WNT9B: variants seen among roughly 807,000 people sequenced by gnomAD.
WNT9B encodes Wnt family member 9B, also known as protein Wnt-9b.
A neutral mutation model predicts 30.2 loss-of-function variants in WNT9B; 12 were observed. The observed-to-expected ratio is 0.40, with a 90% CI of 0.26 to 0.64. WNT9B has a LOEUF of 0.64. WNT9B is among the 30% of genes least tolerant of loss of function. WNT9B has a pLI of 0.42. For synonymous variants in WNT9B, 218 were observed against 216.9 expected, an observed-to-expected ratio of 1.01 and a Z score of -0.05; for missense variants, 442 against 485.2, an observed-to-expected ratio of 0.91 and a Z score of 0.84.
chr17:46,837,144 T>C (rs1031914758), intron 1 of WNT9B, among the ~76,000 whole-genome samples: 5 of 152,298 alleles, frequency 3.3e-5, no homozygotes, highest in Non-Finnish European at 7.4e-5. Context: ...GGTTTCACCA[T>C]GTTGGCCAGG....
In WNT9B at chr17:46,851,837, C is replaced by T. The variant is rs896948000; in HGVS notation, c.77+122C>T. 6 of 461,234 alleles carry T rather than the reference C, an allele frequency of 1.3e-5. No individual in the cohort carries two copies. Among genetic ancestry groups the T allele is most frequent in the African/African-American group, 2.0e-5 (1 of 48,860 alleles). 28.6% of individuals were successfully genotyped at this position (461,234 alleles called of 1,614,324 possible). A position where few individuals can be genotyped will look rare whatever the true frequency, so the allele number is the denominator to read the frequency against. ...CCCCGCCGAGGTCTCGAACTCAGAC[C>T]CTAGCCCGGCGCGACCCAACCCACT... is the stretch of plus-strand genomic sequence containing the variant. On this transcript the variant is annotated intron_variant, in intron 1 of 3. Transcript: ENST00000290015. This position sits in a 1 kb window ranked among gnomAD's most constrained non-coding sequence, Gnocchi z 4.3.
intron 1 of WNT9B, among the ~76,000 whole-genome samples, chr17:46,858,787 C>G (rs747649814): frequency 6.6e-6 from 1 of 152,130 alleles, no homozygotes; most frequent in Non-Finnish European, 1.5e-5. Flanking sequence ...CTGCCTTAGC[C>G]TCCTGAGTAG....
In WNT9B at chr17:46,860,880, A is replaced by T. The variant is rs2085025742; in HGVS notation, c.77+9165A>T. Among the ~76,000 whole-genome samples the T allele has an allele frequency of 2.0e-5, 3 of 152,078 alleles. No individual in the cohort carries two copies. In the South Asian group the frequency reaches 6.2e-4, roughly 31 times the overall value. On this transcript the variant is annotated intron_variant, in intron 1 of 3. Transcript: ENST00000290015. ...TCACTTTTTTTTTATTTTTAGAGAG[A>T]TAGGTTCCTGCTCTGTCACCCAGAC...
intron 1 of WNT9B, among the ~76,000 whole-genome samples, chr17:46,834,593 G>A (rs1174591183): frequency 6.6e-6 from 1 of 152,116 alleles, no homozygotes; most frequent in Non-Finnish European, 1.5e-5. Flanking sequence ...TACCTCCTGG[G>A]CTGTAGGTAG....
At chr17:46,846,068 G>T (rs1568116508) in intron 1 of WNT9B, among the ~76,000 whole-genome samples, 1 of 152,110 alleles carries the variant, frequency 6.6e-6, no homozygotes, top group Non-Finnish European at 1.5e-5. Context: ...TGGGATTATA[G>T]GTGTGAACCA....
intron 1 of WNT9B, among the ~76,000 whole-genome samples, chr17:46,856,543 G>A (rs1363669312): frequency 2.0e-5 from 3 of 150,620 alleles, no homozygotes; most frequent in Non-Finnish European, 4.4e-5. Flanking sequence ...GGAATGCAGT[G>A]GTGCAATCTC....
At chr17:46,848,333 C>T (rs1339943840), upstream of WNT9B, among the ~76,000 whole-genome samples, 1 of 152,200 alleles carries the variant, frequency 6.6e-6, no homozygotes, top group Admixed American at 6.5e-5. Context: ...AAAAAGGCCA[C>T]AAACCAGGGT....
chr17:46,844,677 A>G (rs1360167018), intron 1 of WNT9B, among the ~76,000 whole-genome samples: 4 of 152,316 alleles, frequency 2.6e-5, no homozygotes, highest in Non-Finnish European at 4.4e-5. Flanking sequence ...ACTTACTCAG[A>G]TGAAAACAAA....
chr17:46,863,122 G>GT (rs2085070650), intron 1 of WNT9B, among the ~76,000 whole-genome samples: 3 of 106 alleles, frequency 0.028, no homozygotes, highest in African/African-American at 0.1. Context: ...GGGAGGGCGT[G>GT]GCACAGGCAG....
intron 1 of WNT9B, among the ~76,000 whole-genome samples, chr17:46,846,486 A>G (rs1181905268): frequency 6.6e-6 from 1 of 152,240 alleles, no homozygotes; most frequent in Non-Finnish European, 1.5e-5. Flanking sequence ...GACAGTGTAT[A>G]TCAACATAGG....
intron 1 of WNT9B, among the ~76,000 whole-genome samples, chr17:46,839,965 T>TC (rs1329369135): frequency 7.0e-4 from 96 of 137,316 alleles, no homozygotes; most frequent in African/African-American, 2.3e-3. Flanking sequence ...TCTTTCTTTC[T>TC]TTCTTTCTTT....
At chr17:46,840,261 T>C (rs1279834811) in intron 1 of WNT9B, among the ~76,000 whole-genome samples, 1 of 152,022 alleles carries the variant, frequency 6.6e-6, no homozygotes, top group Non-Finnish European at 1.5e-5. Context: ...TAATTTTTTA[T>C]ATTTTTAGTA....
At chr17:46,867,922 C>T (rs560153313) in intron 1 of WNT9B, among the ~76,000 whole-genome samples, 2 of 152,138 alleles carry the variant, frequency 1.3e-5, no homozygotes, top group Admixed American at 6.5e-5. Context: ...TTATGATGAA[C>T]CTGACCACCA....
intron 1 of WNT9B, among the ~76,000 whole-genome samples, chr17:46,857,085 T>C (rs898930848): frequency 2.0e-4 from 30 of 152,226 alleles, no homozygotes; most frequent in Admixed American, 1.4e-3. Context: ...TGTCGTTGAA[T>C]ATAGCAATAG....
intron 2 of WNT9B, among the ~76,000 whole-genome samples, chr17:46,874,390 C>T (rs965822498): frequency 3.9e-5 from 6 of 152,126 alleles, no homozygotes; most frequent in East Asian, 1.9e-4. Context: ...GGTCATACAC[C>T]GACCTGGAGT....
rs2085351512 is a variant in WNT9B, at chr17:46,876,654, G to A, written c.1010G>A (p.Trp337Ter). The A allele has an allele frequency of 6.2e-7, 1 of 1,604,100 alleles. No individual in the cohort carries two copies. The highest frequency in any genetic ancestry group is 8.5e-7 in the Non-Finnish European group (1 of 1,172,934). ...TTCTCCTGCCACTGCCAGGTGCAGT[G>A]GTGCTGCTACGTGGAGTGCCAGCAA... ...VAFSCHCQVQWCCYVECQQCV... is the reference protein window; with the variant it reads ...VAFSCHCQVQ Residue 337 changes from tryptophan to a stop codon, truncating the protein, a stop_gained, in exon 4 of 4, where the codon TGG (tryptophan) becomes TAG (stop). Transcript: ENST00000290015. LOFTEE classifies it high-confidence loss of function.
chr17:46,884,943 C>A, downstream of WNT9B: 1 of 368,214 alleles, frequency 2.7e-6, no homozygotes. Context: ...CCAACTTCCC[C>A]ACTCCTGCAA....
rs2085353571 is a variant in WNT9B, at chr17:46,876,779, GC to G, written c.*64del. On this transcript the variant is annotated 3_prime_UTR_variant, in exon 4 of 4. Coordinates refer to ENST00000290015, the MANE Select transcript of WNT9B (RefSeq NM_003396.3). Reference sequence around the variant, plus strand: ...GACCTCCTGTGGCACCCTTCAAGCTGCCCAGCCGGCCCTCTGGGCAGACTGT... The same window carrying G: ...GACCTCCTGTGGCACCCTTCAAGCTGCCAGCCGGCCCTCTGGGCAGACTGT... 1 of 1,475,032 alleles carries G rather than the reference GC, an allele frequency of 6.8e-7. No homozygotes were observed. Among genetic ancestry groups the G allele is most frequent in the Non-Finnish European group, 9.0e-7 (1 of 1,110,048 alleles). 91.4% of individuals were successfully genotyped at this position (1,475,032 alleles called of 1,614,324 possible).
rs1359003442 is a variant in WNT9B at position 46,851,699 on chromosome 17, G to T, written c.61G>T (p.Ala21Ser). The change falls in exon 1 of 4, where the codon GCC becomes TCC. Residue 21 changes from alanine (A) to serine (S), a missense_variant. By Grantham distance (99) the Ala-to-Ser change is moderately conservative. Coordinates refer to ENST00000290015, the MANE Select transcript of WNT9B (RefSeq NM_003396.3). This position sits in a 1 kb window ranked among gnomAD's most constrained non-coding sequence, Gnocchi z 4.3. ...CTGCCTGCTGGCGCTGCCCGCCGCCGCCGCCTCCTACTTCGGGTCAGTGCC... is the reference window on the plus strand; with the variant it reads ...CTGCCTGCTGGCGCTGCCCGCCGCCTCCGCCTCCTACTTCGGGTCAGTGCC... The part of the protein sequence containing the change: ...GLCLLALPAA[A>S]ASYFGLTGRE... 7.7e-7 allele frequency: 1 copy of T among 1,302,712 alleles called. No homozygotes were observed. Among genetic ancestry groups the T allele is most frequent in the South Asian group, 2.4e-5 (1 of 42,136 alleles). 80.7% of individuals were successfully genotyped at this position (1,302,712 alleles called of 1,614,324 possible). A position where few individuals can be genotyped will look rare whatever the true frequency, so the allele number is the denominator to read the frequency against.
Sources: allele counts gnomAD v4.1 joint callset (sites outside exome capture counted in the v4.1 genomes callset), GRCh38; gene constraint gnomAD v4.1.1; non-coding constraint Gnocchi (gnomAD v3.1); transcripts MANE v1.5; gene names NCBI Gene and HGNC (gene_info 2026-07-23, HGNC 2026-07-21).